Variants in TMEM178B observed in about 807,000 individuals in gnomAD.
TMEM178B encodes transmembrane protein 178B.
TMEM178B carries 5 observed loss-of-function variants against 31.0 expected under a neutral mutation model. The ratio of observed to expected loss-of-function variants is 0.16; its 90% confidence interval spans 0.08 to 0.34. The LOEUF is 0.34. Ranked by LOEUF, TMEM178B falls within the 10% of genes least tolerant of loss-of-function variation. The probability of loss-of-function intolerance (pLI) is 1.00; values close to 1 mark genes in which losing one functional copy is unlikely to be tolerated. For missense variants in TMEM178B, 275 were observed against 400.3 expected (o/e 0.69, Z 2.67); for synonymous variants, 164 against 164.0 (o/e 1.00, Z 0.00).
At chr7:141,331,548 A>T (rs939872314) in intron 2 of TMEM178B, among the ~76,000 whole-genome samples, 2 of 152,236 alleles carry the variant, frequency 1.3e-5, no homozygotes, top group African/African-American at 2.4e-5. Flanking sequence ...AGAAGAGTTT[A>T]GGGGAAGTAG....
chr7:141,114,406 CTCCCTTCAGCTGCACTGTATA>C (rs1251722729), intron 1 of TMEM178B, among the ~76,000 whole-genome samples: 5 of 150,936 alleles, frequency 3.3e-5, no homozygotes, highest in Non-Finnish European at 1.5e-5. Flanking sequence ...TGCACTGTAT[CTCCCTTCAGCTGCACTGTATA>C]TCTCTCCCTT....
chr7:141,293,602 C>G (rs1204806031), intron 2 of TMEM178B, among the ~76,000 whole-genome samples: 1 of 152,106 alleles, frequency 6.6e-6, no homozygotes, highest in Admixed American at 6.5e-5. Flanking sequence ...CATGGGAGAG[C>G]TAAGAATCAA....
chr7:141,488,707 G>A, the TMEM178B span, among the ~76,000 whole-genome samples: 55 of 152,010 alleles, frequency 3.6e-4, 1 homozygote, highest in Non-Finnish European at 5.9e-5. Flanking sequence ...CAAAGTGCTG[G>A]GATTACAGGC....
At chr7:141,189,608 G>T (rs1341039417) in intron 1 of TMEM178B, among the ~76,000 whole-genome samples, 2 of 152,224 alleles carry the variant, frequency 1.3e-5, no homozygotes, top group Non-Finnish European at 2.9e-5. Flanking sequence ...CAGAGGCCCA[G>T]TTACCCAGTC....
chr7:141,349,258 T>G (rs1799670870), intron 2 of TMEM178B, among the ~76,000 whole-genome samples: 1 of 152,206 alleles, frequency 6.6e-6, no homozygotes, highest in African/African-American at 2.4e-5. Flanking sequence ...GTATTGAGCT[T>G]GCTGGAATGT....
At chr7:141,373,824 G>C (rs575545386) in intron 2 of TMEM178B, among the ~76,000 whole-genome samples, 1 of 152,348 alleles carries the variant, frequency 6.6e-6, no homozygotes, top group Admixed American at 6.5e-5. Flanking sequence ...CTGGTCCAGA[G>C]GCAGGGAATT....
chr7:141,412,060 G>A (rs1457765950), intron 2 of TMEM178B, among the ~76,000 whole-genome samples: 2 of 152,162 alleles, frequency 1.3e-5, no homozygotes, highest in African/African-American at 2.4e-5. Flanking sequence ...TGCCCTTTCA[G>A]TATGCCCTTC....
chr7:141,402,843 C>T (rs1476228924), intron 2 of TMEM178B, among the ~76,000 whole-genome samples: 3 of 152,252 alleles, frequency 2.0e-5, no homozygotes, highest in Non-Finnish European at 4.4e-5. Context: ...AGGGCTCTGG[C>T]TTAGTAGCAG....
At chr7:141,214,212 TCCTGTGGATTAA>T (rs1413014528) in intron 2 of TMEM178B, among the ~76,000 whole-genome samples, 4 of 152,250 alleles carry the variant, frequency 2.6e-5, no homozygotes, top group African/African-American at 4.8e-5. Flanking sequence ...GATTGATAAG[TCCTGTGGATTAA>T]CCATTGAAAT....
At chr7:141,216,951 A>G (rs1797162532) in intron 2 of TMEM178B, among the ~76,000 whole-genome samples, 1 of 152,096 alleles carries the variant, frequency 6.6e-6, no homozygotes, top group Non-Finnish European at 1.5e-5. Flanking sequence ...ACACAGCGGG[A>G]CAGGCAAGTG....
chr7:141,178,926 G>A (rs368986458), intron 1 of TMEM178B, among the ~76,000 whole-genome samples: 1 of 152,202 alleles, frequency 6.6e-6, no homozygotes, highest in South Asian at 2.1e-4. Context: ...ACTCTCCTGC[G>A]ACTAAAGAAT....
chr7:141,153,569 T>C (rs967341720), intron 1 of TMEM178B, among the ~76,000 whole-genome samples: 1 of 152,220 alleles, frequency 6.6e-6, no homozygotes, highest in Admixed American at 6.5e-5. Context: ...TACACTAATT[T>C]ACTTTCCCAC....
chr7:141,194,496 C>T (rs1796749681), intron 1 of TMEM178B, among the ~76,000 whole-genome samples: 1 of 152,204 alleles, frequency 6.6e-6, no homozygotes, highest in Admixed American at 6.5e-5. Context: ...GTCTCACATC[C>T]AGGTCATGTT....
At chr7:141,146,815 T>C (rs1033505963) in intron 1 of TMEM178B, among the ~76,000 whole-genome samples, 1 of 152,182 alleles carries the variant, frequency 6.6e-6, no homozygotes, top group Non-Finnish European at 1.5e-5. Flanking sequence ...TTCCCACCCC[T>C]TCTCCTGCTC....
chr7:141,100,966 G>T (rs1274035076), intron 1 of TMEM178B, among the ~76,000 whole-genome samples: 1 of 152,160 alleles, frequency 6.6e-6, no homozygotes, highest in African/African-American at 2.4e-5. Context: ...AGAAACAGAT[G>T]CCGTCAAAGA....
chr7:141,305,382 G>A (rs1180494588), intron 2 of TMEM178B, among the ~76,000 whole-genome samples: 1 of 152,156 alleles, frequency 6.6e-6, no homozygotes, highest in Non-Finnish European at 1.5e-5. Flanking sequence ...CACTGTTCTT[G>A]TAGTCAATGC....
At chr7:141,169,414 A>T (rs901944953) in intron 1 of TMEM178B, among the ~76,000 whole-genome samples, 3 of 152,236 alleles carry the variant, frequency 2.0e-5, no homozygotes, top group African/African-American at 7.2e-5. Context: ...CATGGTGCAT[A>T]TGTGCCACAT....
intron 2 of TMEM178B, among the ~76,000 whole-genome samples, chr7:141,251,756 A>G (rs1167368420): frequency 1.3e-5 from 2 of 152,152 alleles, no homozygotes; most frequent in Non-Finnish European, 2.9e-5. Flanking sequence ...TCCAAGGTCA[A>G]CAGACTAGTA....
intron 2 of TMEM178B, among the ~76,000 whole-genome samples, chr7:141,386,224 TTC>T (rs1800428753): frequency 6.6e-6 from 1 of 152,186 alleles, no homozygotes; most frequent in Non-Finnish European, 1.5e-5. Context: ...TTCAGCTCCT[TTC>T]TCTCCTGGGT....
Sources: gnomAD v4.1 joint callset for allele counts (sites outside exome capture counted in the v4.1 genomes callset) on GRCh38, gnomAD v4.1.1 for gene constraint, MANE v1.5 for transcripts, NCBI Gene and HGNC (gene_info 2026-07-23, HGNC 2026-07-21) for gene names.